STRAP: variants seen among roughly 807,000 people sequenced by gnomAD.
The protein encoded by STRAP is serine-threonine kinase receptor-associated protein.
A neutral mutation model predicts 47.0 loss-of-function variants in STRAP; 16 were observed. The ratio of observed to expected loss-of-function variants is 0.34; its 90% confidence interval spans 0.23 to 0.52. STRAP has a LOEUF of 0.52. Ranked by LOEUF, STRAP falls within the 20% of genes least tolerant of loss-of-function variation. STRAP has a pLI of 0.96. For synonymous variants in STRAP, 130 were observed against 142.7 expected, an observed-to-expected ratio of 0.91 and a Z score of 0.63; for missense variants, 293 against 420.0, an observed-to-expected ratio of 0.70 and a Z score of 2.64.
rs1195516347 is a variant in STRAP at position 15,890,984 on chromosome 12, C to G, written c.403+315C>G. ...CTGAGGCAGGAGAATCGCTTGAACC[C>G]GGGAGGTGGAGGTTGCAGTGAGCCG... On this transcript the variant is annotated intron_variant, in intron 4 of 9. Coordinates refer to ENST00000419869, the MANE Select transcript of STRAP (RefSeq NM_007178.4). The surrounding 1 kb of genome is among the most constrained non-coding windows in gnomAD (Gnocchi z 4.5). Among the ~76,000 whole-genome samples, 1 of 151,530 alleles carries G rather than the reference C, an allele frequency of 6.6e-6. No homozygotes were observed. The highest frequency in any genetic ancestry group is 1.5e-5 in the Non-Finnish European group (1 of 67,908).
intron 2 of STRAP, among the ~76,000 whole-genome samples, chr12:15,883,879 A>C (rs1947944924): frequency 6.6e-6 from 1 of 152,212 alleles, no homozygotes; most frequent in Admixed American, 6.5e-5. Flanking sequence ...AAATTTTCAG[A>C]GGCCTAAATG....
intron 7 of STRAP, among the ~76,000 whole-genome samples, chr12:15,898,668 T>C (rs1948080200): frequency 6.6e-6 from 1 of 152,220 alleles, no homozygotes; most frequent in Non-Finnish European, 1.5e-5. Context: ...ATGGACCAGG[T>C]ATTTCACATA....
chr12:15,902,820 T>G, intron 9 of STRAP, 97 bp from the exon 10 acceptor site: 2 of 1,382,462 alleles, frequency 1.4e-6, no homozygotes, highest in Admixed American at 5.9e-5. Flanking sequence ...ACAAACACTT[T>G]TTCATTCCTT....
chr12:15,890,989 G>A lies in STRAP; in HGVS notation c.403+320G>A, dbSNP rs1948010324. 6.6e-6 allele frequency among the ~76,000 whole-genome samples: 1 copy of A among 151,980 alleles called. No individual in the cohort carries two copies. The highest frequency in any genetic ancestry group is 1.5e-5 in the Non-Finnish European group (1 of 68,004). Reference sequence around the variant, plus strand: ...GCAGGAGAATCGCTTGAACCCGGGAGGTGGAGGTTGCAGTGAGCCGAGATT... The same window carrying A: ...GCAGGAGAATCGCTTGAACCCGGGAAGTGGAGGTTGCAGTGAGCCGAGATT... On this transcript the variant is annotated intron_variant, in intron 4 of 9. Transcript: ENST00000419869. The surrounding 1 kb of genome is among the most constrained non-coding windows in gnomAD (Gnocchi z 4.5).
In STRAP at chr12:15,887,437, C is replaced by T. The variant is rs1565573610; in HGVS notation, c.249-2491C>T. 1.3e-5 allele frequency among the ~76,000 whole-genome samples: 2 copies of T among 152,196 alleles called. No individual in the cohort carries two copies. The highest frequency in any genetic ancestry group is 2.9e-5 in the Non-Finnish European group (2 of 67,998). On this transcript the variant is annotated intron_variant, in intron 2 of 9. Transcript: ENST00000419869. The surrounding 1 kb of genome is among the most constrained non-coding windows in gnomAD (Gnocchi z 5.5). ...AGCGCTTTACTGTCTTGATTTGAGC[C>T]CTGTGGCCAACTAATATATGTCAAT...
chr12:15,898,716 C>T (rs1948080556), intron 7 of STRAP, among the ~76,000 whole-genome samples: 1 of 150,864 alleles, frequency 6.6e-6, no homozygotes, highest in Non-Finnish European at 1.5e-5. Context: ...TTAGCCTTTC[C>T]AAATAGTTTT....
In STRAP at chr12:15,900,959, G is replaced by A; in HGVS notation, c.938G>A (p.Gly313Asp). The A allele has an allele frequency of 6.3e-7, 1 of 1,594,690 alleles. No individual in the cohort carries two copies. Among genetic ancestry groups the A allele is most frequent in the South Asian group, 1.1e-5 (1 of 87,380 alleles). Residue 313 changes from glycine (G) to aspartate (D), a missense_variant, in exon 9 of 10, where the codon GGT becomes GAT. Around this residue, in one of 5 missense-constraint regions of STRAP, gnomAD observed 52 missense variants for 45.0 expected, o/e 1.16. Transcript: ENST00000419869. ...TTTCTTTTTACAGAAGAAGATAGTG[G>A]TGAGCTGGCAAAGCCAAAGATTGGT... Reference protein sequence around the residue: ...WKCVLPEEDSGELAKPKIGFP... With the variant: ...WKCVLPEEDSDELAKPKIGFP...
chr12:15,885,174 A>G (rs78559309), intron 2 of STRAP, among the ~76,000 whole-genome samples: 3,075 of 141,722 alleles, frequency 0.022, 115 homozygotes, highest in African/African-American at 0.087. Context: ...AGAGAGTACA[A>G]GTGGTGTTTT....
intron 1 of STRAP, among the ~76,000 whole-genome samples, chr12:15,883,303 T>G (rs1275201909): frequency 6.6e-6 from 1 of 152,232 alleles, no homozygotes; most frequent in African/African-American, 2.4e-5. Context: ...CTAGATTGTT[T>G]TGACGCAGAT....
chr12:15,900,122 T>C, intron 8 of STRAP, 69 bp downstream of exon 8: 1 of 1,459,232 alleles, frequency 6.9e-7, no homozygotes, highest in Non-Finnish European at 9.3e-7. Flanking sequence ...TAATCATTAA[T>C]TTTATTTCAG....
chr12:15,889,809 A>G (rs1244145421), intron 2 of STRAP, 119 bp from the exon 3 acceptor site: 1 of 697,858 alleles, frequency 1.4e-6, no homozygotes, highest in Non-Finnish European at 2.4e-6. Flanking sequence ...TTTATAATAC[A>G]TTTATGTAAC....
rs1947943206 is a variant in STRAP at position 15,883,692 on chromosome 12, A to G, written c.248+16A>G. ...ATTTCACAGCGTAAGTGTAGCCAAGATGGCTAACTTTGGTGTTCTCTGTAG... is the reference window on the plus strand; with the variant it reads ...ATTTCACAGCGTAAGTGTAGCCAAGGTGGCTAACTTTGGTGTTCTCTGTAG... On this transcript the variant is annotated intron_variant, in intron 2 of 9. Coordinates refer to ENST00000419869, the MANE Select transcript of STRAP (RefSeq NM_007178.4). The G allele has an allele frequency of 1.2e-6, 2 of 1,612,984 alleles. No individual in the cohort carries two copies. Among genetic ancestry groups the G allele is most frequent in the Non-Finnish European group, 1.7e-6 (2 of 1,179,606 alleles).
intron 6 of STRAP, among the ~76,000 whole-genome samples, 165 bp from the exon 7 acceptor site, chr12:15,897,713 ATTTT>A (rs367620027): frequency 2.5e-5 from 3 of 118,704 alleles, no homozygotes; most frequent in Admixed American, 8.4e-5. Flanking sequence ...TATCCATTTG[ATTTT>A]TTTTTTTTTT....
intron 7 of STRAP, among the ~76,000 whole-genome samples, chr12:15,899,106 AATT>A (rs1172027570): frequency 6.6e-6 from 1 of 152,174 alleles, no homozygotes; most frequent in Non-Finnish European, 1.5e-5. Flanking sequence ...GAGAGAACTG[AATT>A]ATTTGCCCAA....
At position 15,890,668 on chromosome 12, in the gene STRAP, A is replaced by G. The variant is rs1253594556; in HGVS notation, c.402A>G (p.Ala134=). Residue 134 remains alanine, a splice_region_variant and synonymous_variant, in exon 4 of 10, where the codon GCA becomes GCG. Coordinates refer to ENST00000419869, the MANE Select transcript of STRAP (RefSeq NM_007178.4). The surrounding 1 kb of genome is among the most constrained non-coding windows in gnomAD (Gnocchi z 4.5). ...TATATGACTTGAACAAACCTGAAGC[A>G]GGTAAGCATAATTTAAACATCAGCT... The part of the protein sequence containing the change: ...LRIYDLNKPE[A]EPKEISGHTS... 1.2e-6 allele frequency: 2 copies of G among 1,602,534 alleles called. No homozygotes were observed. Among genetic ancestry groups the G allele is most frequent in the South Asian group, 2.3e-5 (2 of 88,326 alleles).
At position 15,895,455 on chromosome 12, in the gene STRAP, T is replaced by C; in HGVS notation, c.597T>C (p.Val199=). The change falls in exon 6 of 10, where the codon GTT becomes GTC. Residue 199 remains valine, a synonymous_variant. Coordinates refer to ENST00000419869, the MANE Select transcript of STRAP (RefSeq NM_007178.4). The part of the protein sequence containing the change: ...MEYIPEGEIL[V]ITYGRSIAFH... The stretch of plus-strand genomic sequence containing the variant: ...ATATTCCTGAGGGAGAGATTTTGGT[T>C]ATAACTTATGGACGATCTATTGCTT... 6.2e-7 allele frequency: 1 copy of C among 1,608,042 alleles called. No individual in the cohort carries two copies. The highest frequency in any genetic ancestry group is 1.1e-5 in the South Asian group (1 of 89,382).
intron 6 of STRAP, among the ~76,000 whole-genome samples, chr12:15,895,713 T>G (rs1463635412): frequency 6.6e-6 from 1 of 151,456 alleles, no homozygotes; most frequent in Non-Finnish European, 1.5e-5. Flanking sequence ...AAAATAAAAT[T>G]AGCTGGGTGT....
In STRAP at chr12:15,903,124, T is replaced by A; in HGVS notation, c.*146T>A. The A allele has an allele frequency of 3.6e-6, 3 of 835,728 alleles. No homozygotes were observed. The highest frequency in any genetic ancestry group is 5.1e-6 in the Non-Finnish European group (3 of 588,828). The allele number at this position is 835,728 out of a possible 1,614,324, so 51.8% of individuals were successfully genotyped here. A position where few individuals can be genotyped will look rare whatever the true frequency, so the allele number is the denominator to read the frequency against. ...GAATTAGCTCCAGTGCTGGAACAAC[T>A]AACTAACTTGGTGTTACCTGTAAGT... is the stretch of plus-strand genomic sequence containing the variant. On this transcript the variant is annotated 3_prime_UTR_variant, in exon 10 of 10. Transcript: ENST00000419869.
chr12:15,903,010 T>C lies in STRAP; in HGVS notation c.*32T>C, dbSNP rs1412309994. On this transcript the variant is annotated 3_prime_UTR_variant, in exon 10 of 10. Transcript: ENST00000419869. ...ATCATATGTGCAGTTAGTATACAAC[T>C]GACTAAAACAAGCAAGCAGAGAAAA... 1 of 1,448,032 alleles carries C rather than the reference T, an allele frequency of 6.9e-7. No homozygotes were observed. Among genetic ancestry groups the C allele is most frequent in the South Asian group, 1.5e-5 (1 of 68,956 alleles). The allele number at this position is 1,448,032 out of a possible 1,614,324, so 89.7% of individuals were successfully genotyped here.
Sources: gnomAD v4.1 joint callset for allele counts (sites outside exome capture counted in the v4.1 genomes callset) on GRCh38, gnomAD v4.1.1 for gene constraint, gnomAD v4.1.1 regional missense constraint, Gnocchi (gnomAD v3.1) non-coding constraint, MANE v1.5 for transcripts, NCBI Gene and HGNC (gene_info 2026-07-23, HGNC 2026-07-21) for gene names.